The following CSNK2A1 variants were observed in gnomAD, a reference collection of about 807,000 sequenced individuals.
CSNK2A1 encodes the protein casein kinase 2 alpha 1, also known as casein kinase II subunit alpha.
A neutral mutation model predicts 62.9 loss-of-function variants in CSNK2A1; 10 were observed. The observed-to-expected ratio is 0.16, with a 90% CI of 0.10 to 0.27. The LOEUF (loss-of-function observed/expected upper bound fraction) is 0.27. Ranked by LOEUF, CSNK2A1 falls within the 10% of genes least tolerant of loss-of-function variation. The pLI is 1.00. For missense variants in CSNK2A1, 160 were observed against 492.0 expected, an observed-to-expected ratio of 0.33 and a Z score of 6.38; for synonymous variants, 124 against 167.8, an observed-to-expected ratio of 0.74 and a Z score of 2.02.
At chr20:509,867 G>A (rs969209189) in intron 2 of CSNK2A1, among the ~76,000 whole-genome samples, 5 of 151,910 alleles carry the variant, frequency 3.3e-5, no homozygotes, top group African/African-American at 9.7e-5. Flanking sequence ...GTGAGCCACC[G>A]CACCCAGCCA....
In CSNK2A1 at chr20:485,494, G is replaced by A. The variant is rs934656487; in HGVS notation, c.1060+882C>T. ...CACTGCACCTGGCCCTGCATCTTGC[G>A]TTTTAAATTTCACATTATTATATTG... is the stretch of plus-strand genomic sequence containing the variant. On this transcript the variant is annotated intron_variant, in intron 13 of 13. Coordinates refer to ENST00000217244, the MANE Select transcript of CSNK2A1 (RefSeq NM_177559.3). Among the ~76,000 whole-genome samples, 128 of 152,132 alleles carry A rather than the reference G, an allele frequency of 8.4e-4. 1 individual carries two copies. The highest frequency in any genetic ancestry group is 2.9e-4 in the Non-Finnish European group (20 of 67,972).
intron 3 of CSNK2A1, chr20:506,872 A>G (rs1173921880): frequency 6.6e-6 from 1 of 152,222 alleles, no homozygotes; most frequent in African/African-American, 2.4e-5. Flanking sequence ...CTTTAGTGCC[A>G]TTTAAGCAGA....
At chr20:491,540 G>A (rs2018235349) in intron 9 of CSNK2A1, among the ~76,000 whole-genome samples, 1 of 152,052 alleles carries the variant, frequency 6.6e-6, no homozygotes, top group Non-Finnish European at 1.5e-5. Context: ...GTGTGGTAGT[G>A]CACGCCTGTA....
intron 13 of CSNK2A1, among the ~76,000 whole-genome samples, chr20:484,557 C>T (rs28571018): frequency 0.021 from 3,153 of 152,322 alleles, 122 homozygotes; most frequent in African/African-American, 0.072. Flanking sequence ...TGTGCTCTTA[C>T]ACCATGCTGT....
At chr20:500,897 A>G (rs1442299655) in intron 4 of CSNK2A1, 1 of 152,244 alleles carries the variant, frequency 6.6e-6, no homozygotes, top group African/African-American at 2.4e-5. Flanking sequence ...TCGGCCTCCC[A>G]AAGTGCCAAT....
At chr20:511,038 T>A (rs2018708670) in intron 2 of CSNK2A1, among the ~76,000 whole-genome samples, 2 of 152,108 alleles carry the variant, frequency 1.3e-5, no homozygotes, top group African/African-American at 4.8e-5. Flanking sequence ...AACACTTTTT[T>A]AAATTGTGGT....
intron 2 of CSNK2A1, among the ~76,000 whole-genome samples, chr20:512,072 T>C (rs1022704909): frequency 7.2e-5 from 11 of 152,140 alleles, no homozygotes; most frequent in Non-Finnish European, 1.2e-4. Flanking sequence ...CTTGTTTTTA[T>C]AGAGACAGGG....
intron 1 of CSNK2A1, among the ~76,000 whole-genome samples, chr20:538,108 A>G (rs204658): frequency 0.87 from 132,175 of 152,020 alleles, 57,672 homozygotes; most frequent in East Asian, 1. Flanking sequence ...ACAGGCACGC[A>G]CCTCCACACT....
At chr20:538,729 C>CAGTT (rs1399224280) in intron 1 of CSNK2A1, among the ~76,000 whole-genome samples, 1 of 152,120 alleles carries the variant, frequency 6.6e-6, no homozygotes, top group Non-Finnish European at 1.5e-5. Flanking sequence ...AACAGAGAGA[C>CAGTT]AGTTACAAAT....
intron 1 of CSNK2A1, among the ~76,000 whole-genome samples, chr20:534,199 G>T (rs970741324): frequency 6.6e-6 from 1 of 152,196 alleles, no homozygotes; most frequent in African/African-American, 2.4e-5. Context: ...TTACTAAGTG[G>T]TGGAAGCCAG....
intron 1 of CSNK2A1, among the ~76,000 whole-genome samples, chr20:541,801 G>C (rs2019456197): frequency 6.6e-6 from 1 of 152,120 alleles, no homozygotes; most frequent in Non-Finnish European, 1.5e-5. Context: ...ATAATCAGTT[G>C]ATTAATCAAT....
chr20:493,515 G>A (rs1205471422), intron 8 of CSNK2A1, among the ~76,000 whole-genome samples: 1 of 152,146 alleles, frequency 6.6e-6, no homozygotes, highest in Non-Finnish European at 1.5e-5. Context: ...ACAGGAAATT[G>A]CCAAAGTAGT....
At chr20:485,419 G>A (rs2018077086) in intron 13 of CSNK2A1, among the ~76,000 whole-genome samples, 1 of 152,004 alleles carries the variant, frequency 6.6e-6, no homozygotes, top group Admixed American at 6.6e-5. Flanking sequence ...CTGACCTCAA[G>A]TGACCCACCC....
chr20:489,125 G>C (rs2018162151), intron 10 of CSNK2A1: 1 of 228,982 alleles, frequency 4.4e-6, no homozygotes, highest in African/African-American at 2.3e-5. Flanking sequence ...AGTTATGACT[G>C]TAACCTATTT....
At chr20:489,498 T>G (rs1319863146) in intron 10 of CSNK2A1, 5 of 405,056 alleles carry the variant, frequency 1.2e-5, no homozygotes, top group African/African-American at 8.1e-5. Flanking sequence ...GAAAACACCA[T>G]ATTGGAGATA....
intron 1 of CSNK2A1, among the ~76,000 whole-genome samples, chr20:535,484 G>C: frequency 6.6e-6 from 1 of 152,124 alleles, no homozygotes; most frequent in East Asian, 1.9e-4. Context: ...GGCCGGGCGC[G>C]GTGGCTCACG....
chr20:521,750 G>C (rs2018953977), intron 2 of CSNK2A1, among the ~76,000 whole-genome samples: 1 of 152,182 alleles, frequency 6.6e-6, no homozygotes, highest in African/African-American at 2.4e-5. Flanking sequence ...CAAAATGGAT[G>C]AATCGTTTTT....
chr20:479,556 C>G lies in CSNK2A1; in HGVS notation c.*4405G>C, dbSNP rs921881063. 4 of 152,158 alleles carry G rather than the reference C, an allele frequency of 2.6e-5. No homozygotes were observed. The highest frequency in any genetic ancestry group is 5.9e-5 in the Non-Finnish European group (4 of 68,032). The allele number at this position is 152,158 out of a possible 1,614,324, so 9.4% of individuals were successfully genotyped here. On this transcript the variant is annotated 3_prime_UTR_variant, in exon 14 of 14. Coordinates refer to ENST00000217244, the MANE Select transcript of CSNK2A1 (RefSeq NM_177559.3). ...TTAAATCACCTGTGAAGAAAAGATT[C>G]AGAGAGGTTAACTGATCAAAAAAAT... is the stretch of plus-strand genomic sequence containing the variant.
chr20:483,937 G>A lies in CSNK2A1; in HGVS notation c.*24C>T. 8 of 1,604,218 alleles carry A rather than the reference G, an allele frequency of 5.0e-6. No homozygotes were observed. The highest frequency in any genetic ancestry group is 6.8e-6 in the Non-Finnish European group (8 of 1,175,984). On this transcript the variant is annotated 3_prime_UTR_variant, in exon 14 of 14. Transcript: ENST00000217244. ...GGGTGGACTCCCCCACCTCTGCTCAGGCATCAGGAGACAGATAGGGCCGTT... is the reference window on the plus strand; with the variant it reads ...GGGTGGACTCCCCCACCTCTGCTCAAGCATCAGGAGACAGATAGGGCCGTT...
Sources: gnomAD v4.1 joint callset for allele counts (sites outside exome capture counted in the v4.1 genomes callset) on GRCh38, gnomAD v4.1.1 for gene constraint, MANE v1.5 for transcripts, NCBI Gene and HGNC (gene_info 2026-07-23, HGNC 2026-07-21) for gene names.